SERPINA3: variants seen among roughly 807,000 people sequenced by gnomAD.
SERPINA3 encodes serpin family A member 3.
A neutral mutation model predicts 26.8 loss-of-function variants in SERPINA3; 32 were observed. The observed-to-expected ratio is 1.20, with a 90% CI of 0.90 to 1.61. The LOEUF is 1.61. Ranked by LOEUF, SERPINA3 falls within the 40% of genes most tolerant of loss-of-function variation. The pLI is 0.00. For synonymous variants in SERPINA3, 252 were observed against 206.4 expected (o/e 1.22, Z -1.89); for missense variants, 632 against 517.9 (o/e 1.22, Z -2.14).
intron 3 of SERPINA3, among the ~76,000 whole-genome samples, chr14:94,620,204 G>T (rs1886149958): frequency 6.6e-6 from 1 of 152,078 alleles, no homozygotes; most frequent in South Asian, 2.1e-4. Context: ...GAGTCATGTT[G>T]GTATATTAGG....
In SERPINA3 at chr14:94,622,417, G is replaced by A. The variant is rs1886234155; in HGVS notation, c.994G>A (p.Gly332Ser). The A allele has an allele frequency of 1.9e-6, 3 of 1,614,064 alleles. No individual in the cohort carries two copies. The highest frequency in any genetic ancestry group is 2.5e-6 in the Non-Finnish European group (3 of 1,180,008). Residue 332 changes from glycine to serine, a missense_variant, in exon 4 of 5, where the codon GGC (glycine) becomes AGC (serine). Coordinates refer to ENST00000393078, the MANE Select transcript of SERPINA3 (RefSeq NM_001085.5). ...CCTGAACGACATACTTCTCCAGCTG[G>A]GCATTGAGGAAGCCTTCACCAGCAA... ...YNLNDILLQLGIEEAFTSKAD... is the reference protein window; with the variant it reads ...YNLNDILLQLSIEEAFTSKAD...
At position 94,614,710 on chromosome 14, in the gene SERPINA3, G is replaced by C; in HGVS notation, c.269G>C (p.Gly90Ala). 6.2e-7 allele frequency: 1 copy of C among 1,614,108 alleles called. No homozygotes were observed. The highest frequency in any genetic ancestry group is 8.5e-7 in the Non-Finnish European group (1 of 1,180,010). The change falls in exon 2 of 5, where the codon GGG becomes GCG. Residue 90 changes from glycine (G) to alanine (A), a missense_variant. Physicochemically the swap from Gly to Ala is moderately conservative, Grantham distance 60. Coordinates refer to ENST00000393078, the MANE Select transcript of SERPINA3 (RefSeq NM_001085.5). ...ISTALAFLSLGAHNTTLTEIL... is the reference protein window; with the variant it reads ...ISTALAFLSLAAHNTTLTEIL... ...ACCGCCTTGGCCTTCCTGTCTCTGG[G>C]GGCCCATAATACCACCCTGACAGAG...
At chr14:94,616,294 C>T (rs1885995221) in intron 2 of SERPINA3, among the ~76,000 whole-genome samples, 1 of 152,178 alleles carries the variant, frequency 6.6e-6, no homozygotes, top group Non-Finnish European at 1.5e-5. Context: ...AAGCTCCCAC[C>T]CCCCTCATTG....
chr14:94,618,787 C>T (rs1343293268), intron 2 of SERPINA3: 6 of 329,288 alleles, frequency 1.8e-5, no homozygotes, highest in Non-Finnish European at 2.9e-5. Context: ...TATATGTTCA[C>T]ATCCCTGTAA....
At chr14:94,616,719 G>A (rs748563559) in intron 2 of SERPINA3, among the ~76,000 whole-genome samples, 2 of 152,100 alleles carry the variant, frequency 1.3e-5, no homozygotes, top group South Asian at 2.1e-4. Context: ...AACGGTTTTC[G>A]TCTTTTCTCT....
chr14:94,614,648 T>C lies in SERPINA3; in HGVS notation c.207T>C (p.Pro69=). Residue 69 remains proline, a synonymous_variant, in exon 2 of 5, where the codon CCT becomes CCC. Transcript: ENST00000393078. ...SLYKQLVLKA[P]DKNVIFSPLS... ...ACAAGCAGTTAGTCCTGAAGGCCCCTGATAAGAATGTCATCTTCTCCCCAC... is the reference window on the plus strand; with the variant it reads ...ACAAGCAGTTAGTCCTGAAGGCCCCCGATAAGAATGTCATCTTCTCCCCAC... 6.2e-7 allele frequency: 1 copy of C among 1,614,112 alleles called. No individual in the cohort carries two copies. The highest frequency in any genetic ancestry group is 8.5e-7 in the Non-Finnish European group (1 of 1,180,012).
chr14:94,612,480 A>G (rs761048153), intron 1 of SERPINA3, 33 bp downstream of exon 1: 1 of 1,303,966 alleles, frequency 7.7e-7, no homozygotes, highest in Non-Finnish European at 1.0e-6. Flanking sequence ...CTGGGAGCGG[A>G]GGAATCTGTT....
chr14:94,619,612 C>T lies in SERPINA3; in HGVS notation c.917+144C>T. The T allele has an allele frequency of 9.0e-6, 9 of 999,688 alleles. No homozygotes were observed. The South Asian group carries it at 1.1e-4, about 12-fold the overall frequency. The allele number at this position is 999,688 out of a possible 1,614,324, so 61.9% of individuals were successfully genotyped here. A position where few individuals can be genotyped will look rare whatever the true frequency, so the allele number is the denominator to read the frequency against. On this transcript the variant is annotated intron_variant, in intron 3 of 4. Coordinates refer to ENST00000393078, the MANE Select transcript of SERPINA3 (RefSeq NM_001085.5). ...ACTTTGCCCTATGCTGCCTACATGG[C>T]TTTGGGCTTGATTTTTCTTTTTCTT...
chr14:94,614,306 T>C lies in SERPINA3; in HGVS notation c.-8-128T>C. ...TCGGGTGCCCCAGAGAGCACCTACC[T>C]GAGGGAGGCTCCAAAGCTAGCAAGA... is the stretch of plus-strand genomic sequence containing the variant. On this transcript the variant is annotated intron_variant, in intron 1 of 4. Transcript: ENST00000393078. 3 of 896,510 alleles carry C rather than the reference T, an allele frequency of 3.3e-6. No individual in the cohort carries two copies. In the Admixed American group the frequency reaches 5.5e-5, roughly 17 times the overall value. The allele number at this position is 896,510 out of a possible 1,614,324, so 55.5% of individuals were successfully genotyped here.
rs758221177 is a variant in SERPINA3 at position 94,614,993 on chromosome 14, G to A, written c.552G>A (p.Val184=). The A allele has an allele frequency of 1.2e-6, 2 of 1,614,068 alleles. No individual in the cohort carries two copies. The highest frequency in any genetic ancestry group is 2.2e-5 in the East Asian group (1 of 44,884). ...CTAAGAAGCTCATCAACGACTACGT[G>A]AAGAATGGAACTAGGGGGAAAATCA... The part of the protein sequence containing the change: ...AAAKKLINDY[V]KNGTRGKITD... The change falls in exon 2 of 5, where the codon GTG becomes GTA. Residue 184 remains valine (V), a synonymous_variant. Transcript: ENST00000393078.
chr14:94,612,396 T>C lies in SERPINA3; in HGVS notation c.-60T>C. Reference sequence around the variant, plus strand: ...CTCAGCATTCATGAAAATCCACTACTCCAGACAGACGGCTTTGGAATCCAC... The same window carrying C: ...CTCAGCATTCATGAAAATCCACTACCCCAGACAGACGGCTTTGGAATCCAC... On this transcript the variant is annotated 5_prime_UTR_variant, in exon 1 of 5. Coordinates refer to ENST00000393078, the MANE Select transcript of SERPINA3 (RefSeq NM_001085.5). 7.3e-7 allele frequency: 1 copy of C among 1,365,762 alleles called. No individual in the cohort carries two copies. Among genetic ancestry groups the C allele is most frequent in the Non-Finnish European group, 9.8e-7 (1 of 1,021,440 alleles). The allele number at this position is 1,365,762 out of a possible 1,614,324, so 84.6% of individuals were successfully genotyped here. A position where few individuals can be genotyped will look rare whatever the true frequency, so the allele number is the denominator to read the frequency against.
intron 3 of SERPINA3, chr14:94,619,679 T>A (rs1886131225): frequency 1.6e-6 from 1 of 612,312 alleles, no homozygotes; most frequent in Admixed American, 2.6e-5. Flanking sequence ...GGCTGAGGCT[T>A]CCTCTGACTC....
chr14:94,623,847 G>C lies in SERPINA3; in HGVS notation c.*33G>C. ...CATCAAGCAGTGGGGCTCTCAGTAAGGAACTTGGAATGCAAGCTGGATGCC... is the reference window on the plus strand; with the variant it reads ...CATCAAGCAGTGGGGCTCTCAGTAACGAACTTGGAATGCAAGCTGGATGCC... On this transcript the variant is annotated 3_prime_UTR_variant, in exon 5 of 5. Transcript: ENST00000393078. 1.3e-6 allele frequency: 2 copies of C among 1,593,758 alleles called. No individual in the cohort carries two copies. Among genetic ancestry groups the C allele is most frequent in the East Asian group, 4.5e-5 (2 of 44,758 alleles).
intron 2 of SERPINA3, among the ~76,000 whole-genome samples, chr14:94,616,694 AG>A (rs1886015946): frequency 6.6e-6 from 1 of 152,178 alleles, no homozygotes; most frequent in Admixed American, 6.5e-5. Context: ...CAAGAAAGGA[AG>A]GTTTCCCCTA....
At chr14:94,614,408 A>G in intron 1 of SERPINA3, 26 bp from the exon 2 acceptor site, 1 of 1,608,034 alleles carries the variant, frequency 6.2e-7, no homozygotes, top group Non-Finnish European at 8.5e-7. Flanking sequence ...TGGCCCTCTG[A>G]GACTTAAAGG....
intron 3 of SERPINA3, among the ~76,000 whole-genome samples, chr14:94,621,081 A>G (rs932005318): frequency 6.6e-6 from 1 of 152,124 alleles, no homozygotes; most frequent in African/African-American, 2.4e-5. Flanking sequence ...CTTCAACACT[A>G]ACCTGAGGCT....
At chr14:94,617,114 A>G (rs1197767376) in intron 2 of SERPINA3, among the ~76,000 whole-genome samples, 1 of 152,168 alleles carries the variant, frequency 6.6e-6, no homozygotes, top group Non-Finnish European at 1.5e-5. Flanking sequence ...TGCCCTGGGT[A>G]ATATGGGAAG....
In SERPINA3 at chr14:94,623,787, CAA is replaced by C. The variant is rs750702304; in HGVS notation, c.1247_1248del (p.Lys416SerfsTer19). 131 of 1,614,106 alleles carry C rather than the reference CAA, an allele frequency of 8.1e-5. No individual in the cohort carries two copies. The East Asian group carries it at 2.7e-3, about 34-fold the overall frequency. On this transcript the variant is annotated frameshift_variant, in exon 5 of 5. Transcript: ENST00000393078. LOFTEE classifies it low-confidence loss of function (END_TRUNC). ...TDTQNIFFMSKVTNPKQA is the reference protein window; with the variant it reads ...TDTQNIFFMSXVTNPKQA ...ACACCCAGAACATCTTCTTCATGAGCAAAGTCACCAATCCCAAGCAAGCCTAG... is the reference window on the plus strand; with the variant it reads ...ACACCCAGAACATCTTCTTCATGAGCAGTCACCAATCCCAAGCAAGCCTAG...
chr14:94,619,141 G>C lies in SERPINA3; in HGVS notation c.644-54G>C, dbSNP rs143916310. The C allele has an allele frequency of 1.4e-5, 22 of 1,608,116 alleles. 2 individuals are homozygous for C. In the South Asian group the frequency reaches 2.3e-4, roughly 17 times the overall value. On this transcript the variant is annotated intron_variant, in intron 2 of 4. Coordinates refer to ENST00000393078, the MANE Select transcript of SERPINA3 (RefSeq NM_001085.5). ...CTTCCACTGCTGCGGAAGCAGGGTC[G>C]AGCAGGGCGACCCTTGCACTCACAC...
Sources: gnomAD v4.1 joint callset for allele counts (sites outside exome capture counted in the v4.1 genomes callset) on GRCh38, gnomAD v4.1.1 for gene constraint, MANE v1.5 for transcripts, NCBI Gene and HGNC (gene_info 2026-07-23, HGNC 2026-07-21) for gene names.